Variants in DMRT1 observed in about 807,000 individuals in gnomAD.
The protein encoded by DMRT1 is doublesex and mab-3 related transcription factor 1.
Under a neutral mutation model 32.3 loss-of-function variants are expected in DMRT1, and 7 were observed. The ratio of observed to expected loss-of-function variants is 0.22; its 90% CI spans 0.12 to 0.41. The LOEUF is 0.41. DMRT1 is among the 10% of genes least tolerant of loss of function. The pLI is 1.00. For missense variants in DMRT1, 625 were observed against 500.5 expected, an observed-to-expected ratio of 1.25 and a Z score of -2.37; for synonymous variants, 278 against 206.1, an observed-to-expected ratio of 1.35 and a Z score of -2.99.
At chr9:856,611 A>G (rs1815412814) in intron 2 of DMRT1, among the ~76,000 whole-genome samples, 1 of 152,222 alleles carries the variant, frequency 6.6e-6, no homozygotes, top group Non-Finnish European at 1.5e-5. Context: ...TCATATGGAT[A>G]TATACCACAT....
chr9:944,358 A>C (rs907416155), intron 4 of DMRT1, among the ~76,000 whole-genome samples: 9 of 152,208 alleles, frequency 5.9e-5, no homozygotes, highest in African/African-American at 2.2e-4. Context: ...TATGCTTAGT[A>C]GGATTAGACT....
chr9:869,017 T>A (rs919482728), intron 2 of DMRT1, among the ~76,000 whole-genome samples: 3 of 151,922 alleles, frequency 2.0e-5, no homozygotes, highest in South Asian at 2.1e-4. Context: ...TCTGAAAAAA[T>A]AATAATAATA....
At chr9:871,633 G>GC (rs56247666) in intron 2 of DMRT1, among the ~76,000 whole-genome samples, 119,716 of 139,894 alleles carry the variant, frequency 0.86, 51,058 homozygotes, top group Admixed American at 0.9. Flanking sequence ...GAGCCACCGC[G>GC]CCGGCTAACT....
At chr9:957,883 G>T (rs371950431) in intron 4 of DMRT1, among the ~76,000 whole-genome samples, 1 of 152,130 alleles carries the variant, frequency 6.6e-6, no homozygotes, top group Non-Finnish European at 1.5e-5. Context: ...GGTGGCGGGC[G>T]CCTGTAATCC....
rs536234260 is a variant in DMRT1, at chr9:918,194, G to A, written c.967+1287G>A. On this transcript the variant is annotated intron_variant, in intron 4 of 4. Transcript: ENST00000382276. ...TTAACTGAGTTTGGCCTGTAAGGGC[G>A]TGCAAGCATGAAAGGTCAGAATCCT... 3.5e-4 allele frequency among the ~76,000 whole-genome samples: 54 copies of A among 152,338 alleles called. 1 individual carries two copies. The highest frequency in any genetic ancestry group is 1.2e-3 in the African/African-American group (49 of 41,580).
chr9:953,211 G>A (rs760327490), intron 4 of DMRT1, among the ~76,000 whole-genome samples: 2 of 152,046 alleles, frequency 1.3e-5, no homozygotes, highest in Non-Finnish European at 2.9e-5. Flanking sequence ...TATCTAAAAC[G>A]TATCTGACGG....
At chr9:844,719 C>CTTT (rs35980858) in intron 1 of DMRT1, among the ~76,000 whole-genome samples, 8 of 116,884 alleles carry the variant, frequency 6.8e-5, no homozygotes, top group Admixed American at 9.8e-5. Flanking sequence ...TTCTTTCTTT[C>CTTT]TTTTTTTTTT....
chr9:844,075 C>T (rs1284066523), intron 1 of DMRT1, among the ~76,000 whole-genome samples: 7 of 152,194 alleles, frequency 4.6e-5, no homozygotes, highest in Admixed American at 6.5e-5. Flanking sequence ...GGAGAACATG[C>T]TTGGGGGATT....
chr9:910,612 T>C (rs1817939272), intron 3 of DMRT1, among the ~76,000 whole-genome samples: 1 of 152,066 alleles, frequency 6.6e-6, no homozygotes, highest in Non-Finnish European at 1.5e-5. Flanking sequence ...CTAACACGTA[T>C]AAAAGGAAAT....
chr9:898,301 G>A (rs58702912), intron 3 of DMRT1, among the ~76,000 whole-genome samples: 4 of 152,208 alleles, frequency 2.6e-5, no homozygotes, highest in African/African-American at 9.6e-5. Flanking sequence ...TGTATTTTTA[G>A]TGGACATGGG....
At chr9:908,464 T>C (rs55848401) in intron 3 of DMRT1, among the ~76,000 whole-genome samples, 4 of 8,448 alleles carry the variant, frequency 4.7e-4, no homozygotes, top group Admixed American at 1.1e-3. Flanking sequence ...TCTAAAAATG[T>C]TTTTTTAAAA....
chr9:854,932 A>AT (rs796854178), intron 2 of DMRT1, among the ~76,000 whole-genome samples: 2 of 127,594 alleles, frequency 1.6e-5, no homozygotes, highest in South Asian at 2.7e-4. Context: ...CGCCAGGCTA[A>AT]TTTTTTTTGT....
intron 4 of DMRT1, among the ~76,000 whole-genome samples, chr9:959,161 G>A (rs1022481340): frequency 1.8e-4 from 27 of 152,198 alleles, no homozygotes; most frequent in African/African-American, 6.3e-4. Flanking sequence ...GAGACGACTC[G>A]TAGAGCATCT....
At chr9:845,465 C>T (rs905113250) in intron 1 of DMRT1, among the ~76,000 whole-genome samples, 2 of 152,286 alleles carry the variant, frequency 1.3e-5, no homozygotes, top group African/African-American at 4.8e-5. Flanking sequence ...GCCTCAGCAT[C>T]GCAAAGTGAT....
At position 841,704 on chromosome 9, in the gene DMRT1, C is replaced by A; in HGVS notation, c.-135C>A. ...GCGTGCCCAGACCTCGCCACTCCAG[C>A]TGCGCCTCCGGCTGCAGCGCACACG... On this transcript the variant is annotated 5_prime_UTR_variant, in exon 1 of 5. It adds an upstream start codon to the 5' untranslated region. Transcript: ENST00000382276. 3 of 1,529,918 alleles carry A rather than the reference C, an allele frequency of 2.0e-6. No individual in the cohort carries two copies. The allele number at this position is 1,529,918 out of a possible 1,614,324, so 94.8% of individuals were successfully genotyped here.
chr9:896,030 C>T (rs1309874806), intron 3 of DMRT1, among the ~76,000 whole-genome samples: 2 of 151,848 alleles, frequency 1.3e-5, no homozygotes. Context: ...GTCTGTATCT[C>T]TTGCCCTTGT....
intron 3 of DMRT1, among the ~76,000 whole-genome samples, chr9:904,479 A>G (rs573990427): frequency 1.3e-5 from 2 of 152,346 alleles, no homozygotes; most frequent in South Asian, 4.1e-4. Flanking sequence ...GAAATAGGAT[A>G]GAAAAAAAGA....
chr9:864,847 G>C (rs1182899410), intron 2 of DMRT1, among the ~76,000 whole-genome samples: 1 of 142,966 alleles, frequency 7.0e-6, no homozygotes, highest in Non-Finnish European at 1.5e-5. Context: ...TTAGCTATGA[G>C]TAGGTCTCAA....
intron 2 of DMRT1, among the ~76,000 whole-genome samples, chr9:853,830 C>T (rs1815269994): frequency 6.8e-6 from 1 of 146,812 alleles, no homozygotes; most frequent in South Asian, 2.2e-4. Flanking sequence ...GGGTCTCATT[C>T]TGTCTCCCAG....
Sources: gnomAD v4.1 joint callset for allele counts (sites outside exome capture counted in the v4.1 genomes callset) on GRCh38, gnomAD v4.1.1 for gene constraint, MANE v1.5 for transcripts, NCBI Gene and HGNC (gene_info 2026-07-23, HGNC 2026-07-21) for gene names.